The following PPP2R5E variants were observed in gnomAD, a reference collection of about 807,000 sequenced individuals.
PPP2R5E encodes the protein protein phosphatase 2 regulatory subunit B'epsilon.
Under a neutral mutation model 65.3 loss-of-function variants are expected in PPP2R5E, and 4 were observed. That is an observed-to-expected ratio of 0.06 (90% CI 0.03 to 0.14). PPP2R5E has a LOEUF of 0.14. Among genes scored for constraint, PPP2R5E ranks in the 10% least tolerant of loss-of-function variants. PPP2R5E has a pLI of 1.00. For synonymous variants in PPP2R5E, 183 were observed against 187.4 expected (o/e 0.98, Z 0.19); for missense variants, 274 against 556.1 (o/e 0.49, Z 5.10).
At chr14:63,424,305 G>A (rs78380859) in intron 3 of PPP2R5E, among the ~76,000 whole-genome samples, 1,816 of 152,238 alleles carry the variant, frequency 0.012, 52 homozygotes, top group East Asian at 0.095. Context: ...GACATATTAA[G>A]GGAGCAGTAT....
chr14:63,398,747 G>A (rs761187955), intron 5 of PPP2R5E, among the ~76,000 whole-genome samples: 36 of 152,110 alleles, frequency 2.4e-4, no homozygotes, highest in East Asian at 3.9e-4. Flanking sequence ...CCGAGATCGC[G>A]CTGCTGCACT....
intron 3 of PPP2R5E, 74 bp downstream of exon 3, chr14:63,453,615 T>C: frequency 6.9e-7 from 1 of 1,450,824 alleles, no homozygotes; most frequent in Non-Finnish European, 9.4e-7. Flanking sequence ...ATGACCTCAC[T>C]CTTGCAATAT....
At chr14:63,500,008 C>A (rs887254872) in intron 2 of PPP2R5E, among the ~76,000 whole-genome samples, 1 of 152,180 alleles carries the variant, frequency 6.6e-6, no homozygotes, top group Non-Finnish European at 1.5e-5. Flanking sequence ...ATTATTTGGA[C>A]AATGTGTAAC....
intron 3 of PPP2R5E, among the ~76,000 whole-genome samples, chr14:63,434,741 C>G (rs1887870135): frequency 6.6e-6 from 1 of 152,224 alleles, no homozygotes; most frequent in African/African-American, 2.4e-5. Context: ...CTCCCACCTC[C>G]CCATTCTTTC....
Position 63,374,624 on chromosome 14 carries a change from G to C in PPP2R5E, c.*1385C>G, listed in dbSNP as rs932529109. ...ATTCTTCATTTAAATACAAAGCAGA[G>C]AGCCAATAAGATATATATATATATA... On this transcript the variant is annotated 3_prime_UTR_variant, in exon 14 of 14. Transcript: ENST00000337537. The C allele has an allele frequency of 4.4e-4, 39 of 88,406 alleles. 1 individual carries two copies. The highest frequency in any genetic ancestry group is 3.0e-3 in the African/African-American group (34 of 11,312). 5.5% of individuals were successfully genotyped at this position (88,406 alleles called of 1,614,324 possible). A position where few individuals can be genotyped will look rare whatever the true frequency, so the allele number is the denominator to read the frequency against.
intron 2 of PPP2R5E, among the ~76,000 whole-genome samples, chr14:63,496,966 G>A (rs1891601944): frequency 1.3e-5 from 2 of 151,162 alleles, no homozygotes; most frequent in South Asian, 2.1e-4. Context: ...AAATCAAAAT[G>A]TCAGGCACTC....
At chr14:63,388,064 T>G (rs1017721976) in intron 11 of PPP2R5E, among the ~76,000 whole-genome samples, 1 of 151,990 alleles carries the variant, frequency 6.6e-6, no homozygotes, top group Non-Finnish European at 1.5e-5. Flanking sequence ...AGACATGGCC[T>G]CTCTTTTCTA....
chr14:63,392,702 ATGG>A (rs1375833933), intron 8 of PPP2R5E, among the ~76,000 whole-genome samples: 14 of 152,240 alleles, frequency 9.2e-5, no homozygotes, highest in African/African-American at 3.1e-4. Flanking sequence ...GAACATTTTG[ATGG>A]TGTTCTAAAT....
At chr14:63,506,209 G>C (rs1351070660) in intron 2 of PPP2R5E, among the ~76,000 whole-genome samples, 1 of 152,126 alleles carries the variant, frequency 6.6e-6, no homozygotes, top group Non-Finnish European at 1.5e-5. Context: ...CTAGCACTTT[G>C]GGAGGCCGCG....
intron 2 of PPP2R5E, among the ~76,000 whole-genome samples, chr14:63,484,578 G>A (rs1890890666): frequency 6.6e-6 from 1 of 152,078 alleles, no homozygotes; most frequent in Admixed American, 6.6e-5. Context: ...TGACAAGAAC[G>A]AGGCTATTAC....
intron 2 of PPP2R5E, among the ~76,000 whole-genome samples, chr14:63,522,289 C>A (rs1892949726): frequency 2.0e-5 from 3 of 151,914 alleles, no homozygotes; most frequent in Non-Finnish European, 4.4e-5. Context: ...GATCTCGGCT[C>A]GCTACAACCT....
intron 3 of PPP2R5E, among the ~76,000 whole-genome samples, chr14:63,440,707 G>A (rs1222652055): frequency 6.6e-6 from 1 of 151,212 alleles, no homozygotes; most frequent in Admixed American, 6.6e-5. Context: ...GGGAGGCCGA[G>A]GCAGGCGCAT....
intron 2 of PPP2R5E, chr14:63,508,108 C>A: frequency 1.0e-6 from 1 of 979,420 alleles, no homozygotes; most frequent in Non-Finnish European, 1.2e-6. Flanking sequence ...CCCACCCCCA[C>A]ACACACTTCT....
chr14:63,540,616 G>A (rs1893859087), intron 1 of PPP2R5E, among the ~76,000 whole-genome samples: 1 of 149,374 alleles, frequency 6.7e-6, no homozygotes, highest in African/African-American at 2.5e-5. Context: ...CCAGCTACTC[G>A]GGAGGCTGAG....
intron 2 of PPP2R5E, among the ~76,000 whole-genome samples, chr14:63,471,779 G>C (rs538704399): frequency 1.3e-5 from 2 of 152,280 alleles, no homozygotes; most frequent in African/African-American, 4.8e-5. Flanking sequence ...AGACTAATGA[G>C]AGCTGGCTTA....
intron 6 of PPP2R5E, among the ~76,000 whole-genome samples, chr14:63,396,234 G>A (rs1885386309): frequency 1.4e-5 from 1 of 73,926 alleles, no homozygotes; most frequent in Non-Finnish European, 2.8e-5. Context: ...AGGAGAAGGG[G>A]GAGGAGAAAA....
chr14:63,422,310 A>G (rs1887069876), intron 3 of PPP2R5E, among the ~76,000 whole-genome samples: 2 of 152,144 alleles, frequency 1.3e-5, no homozygotes, highest in South Asian at 4.1e-4. Context: ...CTTGAACACT[A>G]TTAATCGTCC....
At chr14:63,482,501 G>A (rs566841861) in intron 2 of PPP2R5E, among the ~76,000 whole-genome samples, 4 of 152,142 alleles carry the variant, frequency 2.6e-5, no homozygotes, top group Admixed American at 2.0e-4. Flanking sequence ...CATGAGTCAC[G>A]CGTGATTTTA....
At chr14:63,444,117 C>G (rs1040046379) in intron 3 of PPP2R5E, among the ~76,000 whole-genome samples, 1 of 152,196 alleles carries the variant, frequency 6.6e-6, no homozygotes, top group African/African-American at 2.4e-5. Flanking sequence ...GACTGGCCCA[C>G]ATCCACATCT....
Sources: allele counts gnomAD v4.1 joint callset (sites outside exome capture counted in the v4.1 genomes callset), GRCh38; gene constraint gnomAD v4.1.1; transcripts MANE v1.5; gene names NCBI Gene and HGNC (gene_info 2026-07-23, HGNC 2026-07-21).